The following PUS7 variants were observed in gnomAD, a reference collection of about 807,000 sequenced individuals.
PUS7 encodes pseudouridine synthase 7, also known as pseudouridylate synthase 7 homolog.
Under a neutral mutation model 79.8 loss-of-function variants are expected in PUS7, and 48 were observed. The ratio of observed to expected loss-of-function variants is 0.60; its 90% CI spans 0.48 to 0.76. The LOEUF is 0.76. Ranked by LOEUF, PUS7 falls within the 30% of genes least tolerant of loss-of-function variation. The probability of loss-of-function intolerance (pLI) is 0.00; values close to 1 mark genes in which losing one functional copy is unlikely to be tolerated. For missense variants in PUS7, 729 were observed against 797.6 expected, an observed-to-expected ratio of 0.91 and a Z score of 1.04; for synonymous variants, 286 against 272.2, an observed-to-expected ratio of 1.05 and a Z score of -0.50.
rs533558100 is a variant in PUS7, at chr7:105,475,465, G to T, written c.1176-3272C>A. Among the ~76,000 whole-genome samples the T allele has an allele frequency of 2.5e-4, 38 of 151,984 alleles. 1 individual carries two copies. Among genetic ancestry groups the T allele is most frequent in the Admixed American group, 2.0e-3 (31 of 15,260 alleles). ...CTCCTGGAGTGCTGGGATTACAGGC[G>T]TCAGCCACCGTGCCAGGCCATTTTT... On this transcript the variant is annotated intron_variant, in intron 9 of 15. Coordinates refer to ENST00000469408, the MANE Select transcript of PUS7 (RefSeq NM_019042.5).
intron 12 of PUS7, among the ~76,000 whole-genome samples, chr7:105,467,442 A>G (rs932234233): frequency 6.6e-6 from 1 of 151,480 alleles, no homozygotes; most frequent in Non-Finnish European, 1.5e-5. Flanking sequence ...GGCGCCTGCC[A>G]CCACGCCCGG....
chr7:105,508,898 A>AAAAAAAAAAAT, intron 1 of PUS7, among the ~76,000 whole-genome samples: 1 of 103,400 alleles, frequency 9.7e-6, no homozygotes, highest in Non-Finnish European at 2.0e-5. Context: ...AAAAAAAAAA[A>AAAAAAAAAAAT]GGTCAGGCAC....
rs758508542 is a variant in PUS7 at position 105,502,436 on chromosome 7, C to T, written c.714G>A (p.Gly238=). 3.7e-6 allele frequency: 6 copies of T among 1,614,072 alleles called. No homozygotes were observed. The highest frequency in any genetic ancestry group is 1.7e-5 in the Admixed American group (1 of 59,982). ...GACACCTACTTGCCAAAGCCTTTTT[C>T]CCAGCTGCGTGGTAGGCTACAATGT... ...KKYIVAYHAA[G]KKALANPRKH... The change falls in exon 5 of 16, where the codon GGG becomes GGA. Residue 238 remains glycine (G), a synonymous_variant. Transcript: ENST00000469408.
At chr7:105,478,805 A>C (rs1444104706) in intron 9 of PUS7, among the ~76,000 whole-genome samples, 1 of 152,186 alleles carries the variant, frequency 6.6e-6, no homozygotes, top group Admixed American at 6.5e-5. Flanking sequence ...AAATATTCTT[A>C]TGTTGTGAAA....
Position 105,462,057 on chromosome 7 carries a change from GAAAAGAAAGAAAAGA to G in PUS7, c.1757+549_1757+563del, listed in dbSNP as rs200402853. On this transcript the variant is annotated intron_variant, in intron 14 of 15. Coordinates refer to ENST00000469408, the MANE Select transcript of PUS7 (RefSeq NM_019042.5). Reference sequence around the variant, plus strand: ...ACCTGCCTCTATTAAGAAAAAAAAAGAAAAGAAAGAAAAGAAAAAGATAGAAAAGGAAAAGAAAAA... The same window carrying G: ...ACCTGCCTCTATTAAGAAAAAAAAAGAAAAGATAGAAAAGGAAAAGAAAAA... Among the ~76,000 whole-genome samples, 1,181 of 143,720 alleles carry G rather than the reference GAAAAGAAAGAAAAGA, an allele frequency of 8.2e-3. 42 individuals are homozygous for G. The East Asian group carries it at 0.12, about 15-fold the overall frequency. 94.3% of individuals were successfully genotyped at this position (143,720 alleles called of 152,430 possible).
intron 5 of PUS7, among the ~76,000 whole-genome samples, chr7:105,496,224 TATAGAG>T (rs1244914437): frequency 1.5e-4 from 13 of 84,002 alleles, no homozygotes; most frequent in East Asian, 7.5e-4. Flanking sequence ...TATATATATA[TATAGAG>T]AGAGAGAGAG....
intron 5 of PUS7, among the ~76,000 whole-genome samples, chr7:105,501,238 AAAC>A (rs1825235162): frequency 6.6e-6 from 1 of 152,350 alleles, no homozygotes; most frequent in Admixed American, 6.5e-5. Flanking sequence ...CCTAATAAAT[AAAC>A]AGTTTTTTGT....
In PUS7 at chr7:105,457,804, T is replaced by G; in HGVS notation, c.1972A>C (p.Thr658Pro). The change falls in exon 16 of 16, where the codon ACC becomes CCC. Residue 658 changes from threonine to proline, a missense_variant. Coordinates refer to ENST00000469408, the MANE Select transcript of PUS7 (RefSeq NM_019042.5). Reference protein sequence around the residue: ...SIKNQTQLNTTWLR With the variant: ...SIKNQTQLNTPWLR ...CAAGGTACTGCTCAGCGAAGCCAGGTTGTATTCAGCTGCGTCTGGTTCTTG... is the reference window on the plus strand; with the variant it reads ...CAAGGTACTGCTCAGCGAAGCCAGGGTGTATTCAGCTGCGTCTGGTTCTTG... 2.5e-6 allele frequency: 4 copies of G among 1,614,020 alleles called. No individual in the cohort carries two copies. Among genetic ancestry groups the G allele is most frequent in the Non-Finnish European group, 3.4e-6 (4 of 1,179,938 alleles).
chr7:105,507,575 T>C (rs536527660), intron 2 of PUS7, among the ~76,000 whole-genome samples: 1 of 152,246 alleles, frequency 6.6e-6, no homozygotes, highest in Non-Finnish European at 1.5e-5. Context: ...AGAGTCTTGC[T>C]CTGTCACCCA....
chr7:105,472,596 G>A (rs1342126333), intron 9 of PUS7, among the ~76,000 whole-genome samples: 1 of 152,012 alleles, frequency 6.6e-6, no homozygotes, highest in Non-Finnish European at 1.5e-5. Context: ...GATTTGAAAT[G>A]TAAAAGAACT....
intron 5 of PUS7, 111 bp from the exon 6 acceptor site, chr7:105,495,364 A>G (rs919248051): frequency 3.0e-6 from 2 of 660,806 alleles, no homozygotes; most frequent in Admixed American, 5.0e-5. Context: ...AGTCTGATAA[A>G]GAAATACAGG....
At chr7:105,470,335 C>A (rs1232386173) in intron 11 of PUS7, 1 of 172,572 alleles carries the variant, frequency 5.8e-6, no homozygotes, top group Non-Finnish European at 1.2e-5. Context: ...CTGTTCAACC[C>A]TTTTACTAAG....
chr7:105,502,291 G>A lies in PUS7; in HGVS notation c.730+129C>T, dbSNP rs1010372846. The A allele has an allele frequency of 5.1e-6, 6 of 1,166,738 alleles. No individual in the cohort carries two copies. The African/African-American group carries it at 9.3e-5, about 18-fold the overall frequency. 72.3% of individuals were successfully genotyped at this position (1,166,738 alleles called of 1,614,324 possible). The stretch of plus-strand genomic sequence containing the variant: ...ACAATACTCACCCTCTCTGAAGGAG[G>A]GACATGATCAATATTGTTCTCTGAG... On this transcript the variant is annotated intron_variant, in intron 5 of 15. Coordinates refer to ENST00000469408, the MANE Select transcript of PUS7 (RefSeq NM_019042.5).
intron 1 of PUS7, among the ~76,000 whole-genome samples, chr7:105,514,461 G>T (rs1481606324): frequency 1.3e-5 from 2 of 150,924 alleles, no homozygotes; most frequent in Non-Finnish European, 2.9e-5. Flanking sequence ...ACAATTAGCT[G>T]GGCGTGGTGA....
intron 1 of PUS7, among the ~76,000 whole-genome samples, chr7:105,516,088 C>T (rs1021396489): frequency 5.9e-5 from 9 of 152,078 alleles, no homozygotes; most frequent in South Asian, 2.1e-4. Context: ...GGATTACAGG[C>T]GTGAGCCACC....
chr7:105,471,958 AAATAT>A (rs1823892213), intron 10 of PUS7, among the ~76,000 whole-genome samples, 169 bp downstream of exon 10: 2 of 151,926 alleles, frequency 1.3e-5, no homozygotes, highest in South Asian at 4.1e-4. Context: ...TATAAATCTT[AAATAT>A]ACATATACAA....
intron 9 of PUS7, among the ~76,000 whole-genome samples, chr7:105,475,373 G>A (rs1276357883): frequency 6.6e-6 from 1 of 151,984 alleles, no homozygotes; most frequent in Admixed American, 6.6e-5. Flanking sequence ...TGTTAGTAGA[G>A]ATGGGGTTTC....
At chr7:105,510,969 TAAC>T (rs1049461701) in intron 1 of PUS7, among the ~76,000 whole-genome samples, 123 of 152,296 alleles carry the variant, frequency 8.1e-4, no homozygotes, top group African/African-American at 2.9e-3. Context: ...AAGGCATGGT[TAAC>T]AAGAAAGCCA....
chr7:105,472,104 A>T, intron 10 of PUS7, 28 bp downstream of exon 10: 1 of 1,496,592 alleles, frequency 6.7e-7, no homozygotes, highest in Non-Finnish European at 9.3e-7. Context: ...CATTCTATTT[A>T]TTTTCTTAAC....
Sources: gnomAD v4.1 joint callset for allele counts (sites outside exome capture counted in the v4.1 genomes callset) on GRCh38, gnomAD v4.1.1 for gene constraint, MANE v1.5 for transcripts, NCBI Gene and HGNC (gene_info 2026-07-23, HGNC 2026-07-21) for gene names.